RBM24: variants seen among roughly 807,000 people sequenced by gnomAD.
The protein encoded by RBM24 is RNA-binding protein 24.
In RBM24, 5 loss-of-function variants were observed where a neutral mutation model predicts 23.6. The ratio of observed to expected loss-of-function variants is 0.21; its 90% CI spans 0.11 to 0.45. RBM24 has a LOEUF of 0.45. Ranked by LOEUF, RBM24 falls within the 20% of genes least tolerant of loss-of-function variation. The probability of loss-of-function intolerance (pLI) is 0.99; values close to 1 mark genes in which losing one functional copy is unlikely to be tolerated. For missense variants in RBM24, 252 were observed against 314.6 expected, an observed-to-expected ratio of 0.80 and a Z score of 1.51; for synonymous variants, 151 against 129.5, an observed-to-expected ratio of 1.17 and a Z score of -1.13.
intron 1 of RBM24, chr6:17,282,097 A>G (rs565084724): frequency 4.1e-6 from 5 of 1,224,022 alleles, no homozygotes; most frequent in Non-Finnish European, 5.2e-6. Flanking sequence ...GCCGGTTGTT[A>G]AGCGCGCTGT....
chr6:17,285,961 C>G (rs532944933), intron 3 of RBM24, among the ~76,000 whole-genome samples: 2 of 152,224 alleles, frequency 1.3e-5, no homozygotes, highest in South Asian at 4.2e-4. Flanking sequence ...GTTTTATCCT[C>G]AATAATAATT....
chr6:17,282,718 G>A (rs111297761), intron 1 of RBM24, 87 bp from the exon 2 acceptor site: 27,808 of 1,519,426 alleles, frequency 0.018, 331 homozygotes, highest in Middle Eastern at 0.023. Flanking sequence ...GTTTTATCAT[G>A]AATGACTTCT....
At chr6:17,287,997 A>G (rs904201467) in intron 3 of RBM24, among the ~76,000 whole-genome samples, 3 of 152,212 alleles carry the variant, frequency 2.0e-5, no homozygotes, top group Non-Finnish European at 4.4e-5. Context: ...AACATCTGCC[A>G]TATGGATTGT....
At chr6:17,284,914 C>A in intron 3 of RBM24, 1 of 417,252 alleles carries the variant, frequency 2.4e-6, no homozygotes, top group Non-Finnish European at 4.2e-6. Flanking sequence ...AGCCTCCAAA[C>A]GAGACAAATT....
chr6:17,290,969 C>A, intron 3 of RBM24: 1 of 940,580 alleles, frequency 1.1e-6, no homozygotes, highest in Non-Finnish European at 1.5e-6. Context: ...GTGTGCTGCA[C>A]ATCTCTTTGG....
At chr6:17,283,777 T>C (rs907676455) in intron 2 of RBM24, among the ~76,000 whole-genome samples, 8 of 152,140 alleles carry the variant, frequency 5.3e-5, no homozygotes, top group African/African-American at 1.9e-4. Flanking sequence ...AAACAGAAAT[T>C]GCACCTACTC....
chr6:17,281,536 GAGCCGCAGCCGC>G lies in RBM24; in HGVS notation c.-40_-29del. The G allele has an allele frequency of 1.4e-6, 2 of 1,456,538 alleles. No homozygotes were observed. Among genetic ancestry groups the G allele is most frequent in the Admixed American group, 5.6e-5 (2 of 35,944 alleles). 90.2% of individuals were successfully genotyped at this position (1,456,538 alleles called of 1,614,324 possible). A position where few individuals can be genotyped will look rare whatever the true frequency, so the allele number is the denominator to read the frequency against. On this transcript the variant is annotated 5_prime_UTR_variant, in exon 1 of 4. Transcript: ENST00000379052. This position sits in a 1 kb window ranked among gnomAD's most constrained non-coding sequence, Gnocchi z 7.1. ...GGAGGAGGAGGCGCAGCCGCTGCCC[GAGCCGCAGCCGC>G]AGCCGGAGCCCGAGCCGCGGGGCGG...
chr6:17,284,971 T>A (rs1760149524), intron 3 of RBM24: 1 of 344,774 alleles, frequency 2.9e-6, no homozygotes, highest in Non-Finnish European at 5.2e-6. Flanking sequence ...AGGTATGACT[T>A]GTGTACAAGA....
rs1377871412 is a variant in RBM24, at chr6:17,281,829, C to G, written c.168+80C>G. Reference sequence around the variant, plus strand: ...GGGATCGGGAGCTTGGAGTGAGGGGCTCGGCGTGACCCGTGAGGAGCCCCG... The same window carrying G: ...GGGATCGGGAGCTTGGAGTGAGGGGGTCGGCGTGACCCGTGAGGAGCCCCG... On this transcript the variant is annotated intron_variant, in intron 1 of 3. Coordinates refer to ENST00000379052, the MANE Select transcript of RBM24 (RefSeq NM_001143942.2). The surrounding 1 kb of genome is among the most constrained non-coding windows in gnomAD (Gnocchi z 7.1). 8 of 1,504,648 alleles carry G rather than the reference C, an allele frequency of 5.3e-6. No individual in the cohort carries two copies. Among genetic ancestry groups the G allele is most frequent in the South Asian group, 2.4e-5 (2 of 82,694 alleles). The allele number at this position is 1,504,648 out of a possible 1,614,324, so 93.2% of individuals were successfully genotyped here.
chr6:17,286,356 A>G (rs1317073469), intron 3 of RBM24, among the ~76,000 whole-genome samples: 1 of 152,114 alleles, frequency 6.6e-6, no homozygotes, highest in East Asian at 1.9e-4. Context: ...ATTCATTTAG[A>G]CTTAACTGTT....
chr6:17,283,860 T>C (rs901534994), intron 2 of RBM24, among the ~76,000 whole-genome samples: 1 of 152,240 alleles, frequency 6.6e-6, no homozygotes, highest in Non-Finnish European at 1.5e-5. Flanking sequence ...CATGTAGCTA[T>C]TAGTTGCCAA....
chr6:17,283,295 A>G (rs957405189), intron 2 of RBM24, among the ~76,000 whole-genome samples: 2 of 152,112 alleles, frequency 1.3e-5, no homozygotes, highest in African/African-American at 4.8e-5. Flanking sequence ...CAGCTAATAT[A>G]CTTCCCTACT....
At position 17,292,139 on chromosome 6, in the gene RBM24, T is replaced by C. The variant is rs555166770; in HGVS notation, c.*20T>C. ...CAATAGACCAGCCATCTGATCAAAG[T>C]TGAATTGTTTTCTCTTTCCCTCCCA... is the stretch of plus-strand genomic sequence containing the variant. On this transcript the variant is annotated 3_prime_UTR_variant, in exon 4 of 4. Coordinates refer to ENST00000379052, the MANE Select transcript of RBM24 (RefSeq NM_001143942.2). The C allele has an allele frequency of 1.4e-6, 2 of 1,473,610 alleles. No individual in the cohort carries two copies. Among genetic ancestry groups the C allele is most frequent in the Admixed American group, 4.6e-5 (2 of 43,868 alleles). The allele number at this position is 1,473,610 out of a possible 1,614,324, so 91.3% of individuals were successfully genotyped here.
At position 17,281,568 on chromosome 6, in the gene RBM24, G is replaced by T. The variant is rs1285598978; in HGVS notation, c.-14G>T. 7 of 1,491,478 alleles carry T rather than the reference G, an allele frequency of 4.7e-6. No homozygotes were observed. The Admixed American group carries it at 1.2e-4, about 25-fold the overall frequency. The allele number at this position is 1,491,478 out of a possible 1,614,324, so 92.4% of individuals were successfully genotyped here. A position where few individuals can be genotyped will look rare whatever the true frequency, so the allele number is the denominator to read the frequency against. On this transcript the variant is annotated 5_prime_UTR_variant, in exon 1 of 4. Transcript: ENST00000379052. This position sits in a 1 kb window ranked among gnomAD's most constrained non-coding sequence, Gnocchi z 7.1. Reference sequence around the variant, plus strand: ...AGCCGCAGCCGGAGCCCGAGCCGCGGGGCGGGTGCGAAGATGCACACGACC... The same window carrying T: ...AGCCGCAGCCGGAGCCCGAGCCGCGTGGCGGGTGCGAAGATGCACACGACC...
intron 3 of RBM24, chr6:17,289,496 A>G (rs1760291795): frequency 4.1e-6 from 4 of 985,422 alleles, no homozygotes; most frequent in Non-Finnish European, 4.8e-6. Flanking sequence ...TGCAAAGTAA[A>G]TGCAGAGCTA....
chr6:17,291,959 C>T lies in RBM24; in HGVS notation c.551C>T (p.Ala184Val). The T allele has an allele frequency of 2.5e-6, 4 of 1,612,428 alleles. No individual in the cohort carries two copies. Among genetic ancestry groups the T allele is most frequent in the Non-Finnish European group, 3.4e-6 (4 of 1,179,648 alleles). Residue 184 changes from alanine to valine, a missense_variant, in exon 4 of 4, where the codon GCT becomes GTT. Transcript: ENST00000379052. Reference sequence around the variant, plus strand: ...TACCCCTATGCAGCCTCTCCAGCTGCTGCAGGATATGTTACTGCTGGGGGC... The same window carrying T: ...TACCCCTATGCAGCCTCTCCAGCTGTTGCAGGATATGTTACTGCTGGGGGC... ...DQYPYAASPA[A>V]AGYVTAGGYG...
chr6:17,282,377 AGGTTGGGAGCGTTGGGC>A (rs1760051049), intron 1 of RBM24: 1 of 716,502 alleles, frequency 1.4e-6, no homozygotes, highest in East Asian at 6.4e-5. Context: ...AGTGTTTTCG[AGGTTGGGAGCGTTGGGC>A]GGATGTAAGG....
Position 17,281,766 on chromosome 6 carries a change from G to T in RBM24, c.168+17G>T. On this transcript the variant is annotated intron_variant, in intron 1 of 3. Transcript: ENST00000379052. The surrounding 1 kb of genome is among the most constrained non-coding windows in gnomAD (Gnocchi z 7.1). ...TATGGATTTGTAAGTTGCACGGACT[G>T]GGGGTGACGGGGAGGGACGGAGTGG... is the stretch of plus-strand genomic sequence containing the variant. 1 of 1,547,302 alleles carries T rather than the reference G, an allele frequency of 6.5e-7. No homozygotes were observed. The highest frequency in any genetic ancestry group is 8.7e-7 in the Non-Finnish European group (1 of 1,144,950).
In RBM24 at chr6:17,291,842, C is replaced by G. The variant is rs1760370036; in HGVS notation, c.434C>G (p.Ser145Cys). The G allele has an allele frequency of 1.3e-5, 21 of 1,614,138 alleles. No individual in the cohort carries two copies. Among genetic ancestry groups the G allele is most frequent in the Non-Finnish European group, 1.8e-5 (21 of 1,180,028 alleles). The stretch of plus-strand genomic sequence containing the variant: ...GTCCAGCCGACAGCAGCTGCCGCCT[C>G]CACCACCCCTTACATTGATTACACT... The part of the protein sequence containing the change: ...PHVQPTAAAA[S>C]TTPYIDYTGA... The change falls in exon 4 of 4, where the codon TCC becomes TGC. Residue 145 changes from serine to cysteine, a missense_variant. Physicochemically the swap from Ser to Cys is moderately radical, Grantham distance 112 (BLOSUM62 -1). Transcript: ENST00000379052.
Sources: allele counts gnomAD v4.1 joint callset (sites outside exome capture counted in the v4.1 genomes callset), GRCh38; gene constraint gnomAD v4.1.1; non-coding constraint Gnocchi (gnomAD v3.1); transcripts MANE v1.5; gene names NCBI Gene and HGNC (gene_info 2026-07-23, HGNC 2026-07-21).